KIF26B: variants seen among roughly 807,000 people sequenced by gnomAD.
KIF26B encodes the protein kinesin-like protein KIF26B.
In KIF26B, 63 loss-of-function variants were observed where a neutral mutation model predicts 151.2. The observed-to-expected ratio is 0.42, with a 90% CI of 0.34 to 0.51. The LOEUF (loss-of-function observed/expected upper bound fraction) is 0.51. Ranked by LOEUF, KIF26B falls within the 20% of genes least tolerant of loss-of-function variation. The probability of loss-of-function intolerance (pLI) is 0.07; values close to 1 mark genes in which losing one functional copy is unlikely to be tolerated. For missense variants in KIF26B, 2,813 were observed against 2,913.6 expected (o/e 0.97, Z 0.79); for synonymous variants, 1,357 against 1,262.1 (o/e 1.08, Z -1.59).
At position 245,602,061 on chromosome 1, in the gene KIF26B, G is replaced by A. The variant is rs78838913; in HGVS notation, c.1351-516G>A. Among the ~76,000 whole-genome samples the A allele has an allele frequency of 0.013, 2,051 of 152,250 alleles. 41 individuals are homozygous for A. The highest frequency in any genetic ancestry group is 0.047 in the African/African-American group (1,941 of 41,536). ...ACTGTTGCCCCTTGGAACACATTTC[G>A]AATGCTGGCCATTAAAAGCAGGCCA... On this transcript the variant is annotated intron_variant, in intron 5 of 14. Coordinates refer to ENST00000407071, the MANE Select transcript of KIF26B (RefSeq NM_018012.4). This position sits in a 1 kb window ranked among gnomAD's most constrained non-coding sequence, Gnocchi z 4.5.
intron 2 of KIF26B, among the ~76,000 whole-genome samples, chr1:245,246,914 G>C (rs1403654279): frequency 9.7e-5 from 13 of 133,846 alleles, no homozygotes; most frequent in South Asian, 2.5e-4. Context: ...CACAGACACA[G>C]ACACACACAG....
intron 2 of KIF26B, among the ~76,000 whole-genome samples, chr1:245,214,680 A>C (rs2103545682): frequency 6.6e-6 from 1 of 152,222 alleles, no homozygotes; most frequent in Admixed American, 6.5e-5. Flanking sequence ...CTCTAGTAAA[A>C]ATACAAAAAA....
chr1:245,556,348 T>TC (rs1036457308), intron 5 of KIF26B, among the ~76,000 whole-genome samples: 4 of 110,404 alleles, frequency 3.6e-5, no homozygotes, highest in South Asian at 2.8e-4. Context: ...CCTTCCTCCC[T>TC]CCTCCTCCTC....
rs1195697612 is a variant in KIF26B at position 245,352,416 on chromosome 1, A to G, written c.466-14418A>G. Among the ~76,000 whole-genome samples the G allele has an allele frequency of 2.6e-5, 4 of 151,994 alleles. No individual in the cohort carries two copies. The highest frequency in any genetic ancestry group is 9.7e-5 in the African/African-American group (4 of 41,384). On this transcript the variant is annotated intron_variant, in intron 2 of 14. Transcript: ENST00000407071. This position sits in a 1 kb window ranked among gnomAD's most constrained non-coding sequence, Gnocchi z 5.0. ...GTAGCTGGGATTACAGGCACCCACC[A>G]CCACACCTGGCTAATTTTTGTATTT...
At chr1:245,270,173 T>C (rs1158141650) in intron 2 of KIF26B, among the ~76,000 whole-genome samples, 1 of 150,770 alleles carries the variant, frequency 6.6e-6, no homozygotes, top group Non-Finnish European at 1.5e-5. Flanking sequence ...TTCCCTCCCT[T>C]CTTCCCTTCC....
At chr1:245,346,556 T>TA (rs1480982055) in intron 2 of KIF26B, among the ~76,000 whole-genome samples, 1 of 152,214 alleles carries the variant, frequency 6.6e-6, no homozygotes, top group Non-Finnish European at 1.5e-5. Flanking sequence ...TGTCAGACAG[T>TA]AACACCTGTG....
At chr1:245,350,686 G>A (rs1312857538) in intron 2 of KIF26B, among the ~76,000 whole-genome samples, 3 of 152,162 alleles carry the variant, frequency 2.0e-5, no homozygotes, top group Admixed American at 2.0e-4. Context: ...GGAGCACTCA[G>A]GCCCTGCTCC....
At chr1:245,177,890 C>T (rs1015019631) in intron 2 of KIF26B, among the ~76,000 whole-genome samples, 3 of 151,926 alleles carry the variant, frequency 2.0e-5, no homozygotes. Flanking sequence ...ACTCAGTCAG[C>T]GGGGATTAGG....
At chr1:245,181,288 T>C (rs1283637703) in intron 2 of KIF26B, among the ~76,000 whole-genome samples, 2 of 152,102 alleles carry the variant, frequency 1.3e-5, no homozygotes, top group Non-Finnish European at 2.9e-5. Context: ...AGAGCAGCAA[T>C]TAGCTCTCAC....
chr1:245,224,476 C>G (rs947593127), intron 2 of KIF26B, among the ~76,000 whole-genome samples: 6 of 152,330 alleles, frequency 3.9e-5, no homozygotes, highest in Admixed American at 2.6e-4. Context: ...TACAGTTATT[C>G]AGGTTTGCGT....
At chr1:245,562,449 G>A (rs746852171) in intron 5 of KIF26B, among the ~76,000 whole-genome samples, 3 of 152,104 alleles carry the variant, frequency 2.0e-5, no homozygotes, top group South Asian at 2.1e-4. Flanking sequence ...CTCACTCTGA[G>A]AACCAGGACC....
intron 5 of KIF26B, among the ~76,000 whole-genome samples, chr1:245,594,055 A>G (rs1366054800): frequency 3.3e-5 from 5 of 152,026 alleles, no homozygotes; most frequent in Admixed American, 3.3e-4. Context: ...TTCTTTGTAG[A>G]TTCTGGATAT....
At chr1:245,636,298 A>C (rs928671301) in intron 9 of KIF26B, among the ~76,000 whole-genome samples, 7 of 151,866 alleles carry the variant, frequency 4.6e-5, no homozygotes, top group African/African-American at 1.5e-4. Context: ...GAGCCACATA[A>C]ATTTTTTTAT....
chr1:245,619,683 C>A (rs1366454814), intron 9 of KIF26B, among the ~76,000 whole-genome samples: 1 of 150,812 alleles, frequency 6.6e-6, no homozygotes, highest in African/African-American at 2.4e-5. Context: ...GAGGCTGAGG[C>A]CGGAGGATCA....
intron 12 of KIF26B, among the ~76,000 whole-genome samples, chr1:245,697,068 A>G (rs2044704924): frequency 6.6e-6 from 1 of 152,190 alleles, no homozygotes; most frequent in Admixed American, 6.5e-5. Context: ...CTGAGATCAC[A>G]CCACTGCACT....
At chr1:245,506,462 C>A (rs750188196) in intron 4 of KIF26B, among the ~76,000 whole-genome samples, 1 of 152,108 alleles carries the variant, frequency 6.6e-6, no homozygotes, top group Admixed American at 6.6e-5. Context: ...TTAAAGCCAT[C>A]GCTCTCTTAA....
intron 4 of KIF26B, among the ~76,000 whole-genome samples, chr1:245,458,913 C>A (rs910787943): frequency 2.6e-5 from 4 of 152,170 alleles, no homozygotes; most frequent in Non-Finnish European, 5.9e-5. Context: ...CAAATAAGGG[C>A]ATAGAATTAA....
In KIF26B at chr1:245,156,489, G is replaced by A. The variant is rs762519197; in HGVS notation, c.271G>A (p.Gly91Ser). 65 of 1,526,248 alleles carry A rather than the reference G, an allele frequency of 4.3e-5. No homozygotes were observed. The highest frequency in any genetic ancestry group is 2.1e-4 in the Middle Eastern group (1 of 4,668). The allele number at this position is 1,526,248 out of a possible 1,614,324, so 94.5% of individuals were successfully genotyped here. A position where few individuals can be genotyped will look rare whatever the true frequency, so the allele number is the denominator to read the frequency against. ...CGGCTCCCCGGGACCCGCCTCCCCC[G>A]GCATCGGCACTAGTTCGCCGGGCTC... The part of the protein sequence containing the change: ...FTGSPGPASP[G>S]IGTSSPGSLG... The change falls in exon 2 of 15, where the codon GGC becomes AGC. Residue 91 changes from glycine (G) to serine (S), a missense_variant. Physicochemically the swap from Gly to Ser is moderately conservative, Grantham distance 56 (BLOSUM62 0). Around this residue, in one of 3 missense-constraint regions of KIF26B, gnomAD observed 676 missense variants for 688.1 expected, o/e 0.98. Transcript: ENST00000407071.
intron 4 of KIF26B, among the ~76,000 whole-genome samples, chr1:245,471,326 G>T (rs1293739050): frequency 6.6e-6 from 1 of 152,016 alleles, no homozygotes; most frequent in African/African-American, 2.4e-5. Context: ...TAGAGACGGG[G>T]TTTCATCATG....
Sources: gnomAD v4.1 joint callset for allele counts (sites outside exome capture counted in the v4.1 genomes callset) on GRCh38, gnomAD v4.1.1 for gene constraint, gnomAD v4.1.1 regional missense constraint, Gnocchi (gnomAD v3.1) non-coding constraint, MANE v1.5 for transcripts, NCBI Gene and HGNC (gene_info 2026-07-23, HGNC 2026-07-21) for gene names.